Variants in RBFOX1 observed in about 807,000 individuals in gnomAD.
RBFOX1 encodes RNA binding fox-1 homolog 1.
A neutral mutation model predicts 57.7 loss-of-function variants in RBFOX1; 8 were observed. The ratio of observed to expected loss-of-function variants is 0.14; its 90% CI spans 0.08 to 0.25. RBFOX1 has a LOEUF of 0.25. Among genes scored for constraint, RBFOX1 ranks in the 10% least tolerant of loss-of-function variants. RBFOX1 has a pLI of 1.00. For synonymous variants in RBFOX1, 326 were observed against 222.4 expected, an observed-to-expected ratio of 1.47 and a Z score of -4.15; for missense variants, 611 against 548.5, an observed-to-expected ratio of 1.11 and a Z score of -1.14.
intron 1 of RBFOX1, among the ~76,000 whole-genome samples, chr16:5,302,751 C>G (rs896460558): frequency 1.3e-5 from 2 of 152,218 alleles, no homozygotes; most frequent in African/African-American, 4.8e-5. Context: ...AACCAGCTCT[C>G]TAACACTTAG....
At chr16:5,474,857 T>C (rs1361342225) in intron 2 of RBFOX1, among the ~76,000 whole-genome samples, 2 of 152,240 alleles carry the variant, frequency 1.3e-5, no homozygotes, top group Admixed American at 6.5e-5. Context: ...TCTGAGCCCA[T>C]GCTATTTGAC....
At chr16:6,846,303 G>A (rs1301455495) in intron 3 of RBFOX1, among the ~76,000 whole-genome samples, 2 of 152,058 alleles carry the variant, frequency 1.3e-5, no homozygotes, top group Non-Finnish European at 2.9e-5. Flanking sequence ...CAAGAAACAT[G>A]GACACATCAC....
chr16:7,202,463 A>G lies in RBFOX1; in HGVS notation c.27+150365A>G, dbSNP rs1459863505. On this transcript the variant is annotated intron_variant, in intron 4 of 15. Transcript: ENST00000550418. The stretch of plus-strand genomic sequence containing the variant: ...AATAGAACTGCCAGATGATCCAACA[A>G]TTCTTATTCTGGATATATATTTAAA... Among the ~76,000 whole-genome samples, 6 of 152,262 alleles carry G rather than the reference A, an allele frequency of 3.9e-5. No individual in the cohort carries two copies. The East Asian group carries it at 5.8e-4, about 15-fold the overall frequency.
intron 2 of RBFOX1, among the ~76,000 whole-genome samples, chr16:6,562,880 C>CTTTCTTTCTTTCT (rs746999419): frequency 2.1e-4 from 11 of 51,766 alleles, no homozygotes; most frequent in East Asian, 1.8e-3. Context: ...TTCTTTCTTT[C>CTTTCTTTCTTTCT]TTTTTTTTTT....
intron 1 of RBFOX1, among the ~76,000 whole-genome samples, chr16:6,179,028 G>C (rs1307848318): frequency 1.3e-5 from 2 of 152,212 alleles, no homozygotes; most frequent in Admixed American, 1.3e-4. Context: ...GCCATCTGGA[G>C]ACCATCATGG....
At chr16:6,689,579 T>A (rs1171730429) in intron 3 of RBFOX1, among the ~76,000 whole-genome samples, 2 of 152,202 alleles carry the variant, frequency 1.3e-5, no homozygotes, top group Non-Finnish European at 2.9e-5. Flanking sequence ...AGCCTGTCTA[T>A]GACAATGTCT....
At chr16:6,237,635 G>A (rs1407618934) in intron 1 of RBFOX1, among the ~76,000 whole-genome samples, 1 of 152,050 alleles carries the variant, frequency 6.6e-6, no homozygotes, top group East Asian at 1.9e-4. Context: ...CCAGCTACTT[G>A]GGAGGGTGGG....
Position 7,258,298 on chromosome 16 carries a change from C to T in RBFOX1, c.27+206200C>T, listed in dbSNP as rs183719983. On this transcript the variant is annotated intron_variant, in intron 4 of 15. Transcript: ENST00000550418. Reference sequence around the variant, plus strand: ...TAGTCACTTTAATTTATTCAGCCTCCGTATTTTATACATTAAAATGAGTGA... The same window carrying T: ...TAGTCACTTTAATTTATTCAGCCTCTGTATTTTATACATTAAAATGAGTGA... Among the ~76,000 whole-genome samples the T allele has an allele frequency of 1.3e-3, 202 of 152,100 alleles. 3 individuals are homozygous for T. Among genetic ancestry groups the T allele is most frequent in the Non-Finnish European group, 2.7e-3 (185 of 67,986 alleles).
At chr16:6,330,447 G>C (rs575451063) in intron 2 of RBFOX1, among the ~76,000 whole-genome samples, 1 of 152,272 alleles carries the variant, frequency 6.6e-6, no homozygotes, top group East Asian at 1.9e-4. Context: ...CACTATGAAG[G>C]CTTTGAAAAG....
At chr16:6,827,082 A>C (rs1240064904) in intron 3 of RBFOX1, among the ~76,000 whole-genome samples, 2 of 152,226 alleles carry the variant, frequency 1.3e-5, no homozygotes, top group Non-Finnish European at 2.9e-5. Flanking sequence ...ATTTCTTTGC[A>C]CATACTTACC....
chr16:5,410,205 G>GA (rs74395931), intron 1 of RBFOX1, among the ~76,000 whole-genome samples: 2 of 150,976 alleles, frequency 1.3e-5, no homozygotes, highest in Non-Finnish European at 3.0e-5. Flanking sequence ...CTCTACAAAA[G>GA]AAAAAAACTA....
At chr16:7,265,486 T>A (rs1203271456) in intron 4 of RBFOX1, among the ~76,000 whole-genome samples, 4 of 152,212 alleles carry the variant, frequency 2.6e-5, no homozygotes, top group Non-Finnish European at 4.4e-5. Flanking sequence ...TCTTGCTCTG[T>A]CACCCAGGCT....
At chr16:6,964,652 T>A (rs1331654242) in intron 3 of RBFOX1, among the ~76,000 whole-genome samples, 3 of 152,284 alleles carry the variant, frequency 2.0e-5, no homozygotes, top group African/African-American at 7.2e-5. Context: ...AAAAATACAT[T>A]TTGACAAACT....
At chr16:6,347,610 C>T (rs534803433) in intron 2 of RBFOX1, among the ~76,000 whole-genome samples, 5 of 152,196 alleles carry the variant, frequency 3.3e-5, no homozygotes, top group East Asian at 1.9e-4. Flanking sequence ...ACGCAAGAGA[C>T]GGTTGGGTGA....
chr16:6,773,063 G>T (rs1282089797), intron 3 of RBFOX1, among the ~76,000 whole-genome samples: 1 of 142,182 alleles, frequency 7.0e-6, no homozygotes, highest in East Asian at 2.2e-4. Flanking sequence ...GGCTTGGGGT[G>T]CATTTGTGTG....
At chr16:7,119,874 A>G (rs976124189) in intron 4 of RBFOX1, among the ~76,000 whole-genome samples, 8 of 152,144 alleles carry the variant, frequency 5.3e-5, no homozygotes, top group Admixed American at 6.6e-5. Context: ...TGTGTAATCA[A>G]CACCATCCAA....
chr16:6,368,380 C>T (rs1398270589), intron 2 of RBFOX1, among the ~76,000 whole-genome samples: 1 of 152,312 alleles, frequency 6.6e-6, no homozygotes, highest in East Asian at 1.9e-4. Flanking sequence ...GGTAGTAGTT[C>T]TCTGATCTAA....
chr16:7,523,098 C>G (rs1028605213), intron 5 of RBFOX1, among the ~76,000 whole-genome samples: 7 of 152,178 alleles, frequency 4.6e-5, no homozygotes, highest in African/African-American at 9.6e-5. Context: ...ATTATGTGCT[C>G]TCTTTGTCTG....
At chr16:7,077,180 C>T (rs1296359999) in intron 4 of RBFOX1, among the ~76,000 whole-genome samples, 1 of 152,118 alleles carries the variant, frequency 6.6e-6, no homozygotes, top group African/African-American at 2.4e-5. Context: ...AGCGGTTTCC[C>T]AGCTGCGCAC....
Sources: gnomAD v4.1 joint callset for allele counts (sites outside exome capture counted in the v4.1 genomes callset) on GRCh38, gnomAD v4.1.1 for gene constraint, MANE v1.5 for transcripts, NCBI Gene and HGNC (gene_info 2026-07-23, HGNC 2026-07-21) for gene names.